SGCD: variants seen among roughly 807,000 people sequenced by gnomAD.
The protein encoded by SGCD is delta-sarcoglycan.
SGCD carries 18 observed loss-of-function variants against 36.6 expected under a neutral mutation model. The ratio of observed to expected loss-of-function variants is 0.49; its 90% CI spans 0.34 to 0.73. The LOEUF is 0.73. Among genes scored for constraint, SGCD ranks in the 30% least tolerant of loss-of-function variants. The probability of loss-of-function intolerance (pLI) is 0.01; values close to 1 mark genes in which losing one functional copy is unlikely to be tolerated. For synonymous variants in SGCD, 133 were observed against 130.6 expected, an observed-to-expected ratio of 1.02 and a Z score of -0.12; for missense variants, 387 against 346.7, an observed-to-expected ratio of 1.12 and a Z score of -0.92.
chr5:156,580,664 A>T (rs1225708341), intron 4 of SGCD, among the ~76,000 whole-genome samples: 3 of 152,118 alleles, frequency 2.0e-5, no homozygotes, highest in Non-Finnish European at 4.4e-5. Flanking sequence ...TCAATCACTG[A>T]TAACCTTTTC....
intron 3 of SGCD, among the ~76,000 whole-genome samples, chr5:156,495,447 T>G (rs553276093): frequency 3.8e-4 from 58 of 152,296 alleles, no homozygotes; most frequent in African/African-American, 1.3e-3. Flanking sequence ...CCTTTGAAGC[T>G]GTAACTTGAA....
chr5:155,825,258 T>TA, the SGCD span, among the ~76,000 whole-genome samples: 2 of 152,158 alleles, frequency 1.3e-5, no homozygotes, highest in Non-Finnish European at 2.9e-5. Flanking sequence ...CCTCTAGACT[T>TA]AGAGAACATA....
At chr5:156,614,845 TC>T (rs1441708182) in intron 6 of SGCD, among the ~76,000 whole-genome samples, 9 of 152,224 alleles carry the variant, frequency 5.9e-5, no homozygotes, top group Non-Finnish European at 1.3e-4. Context: ...CCATCAAACT[TC>T]CAGAGATTTC....
chr5:155,949,723 T>C (rs1357886636), intron 1 of SGCD, among the ~76,000 whole-genome samples: 1 of 152,204 alleles, frequency 6.6e-6, no homozygotes. Flanking sequence ...TGTTTTCGTA[T>C]TGTCTATGGC....
At chr5:156,037,284 A>G (rs1759522919) in intron 1 of SGCD, among the ~76,000 whole-genome samples, 1 of 152,180 alleles carries the variant, frequency 6.6e-6, no homozygotes, top group African/African-American at 2.4e-5. Flanking sequence ...GAGCAGCAGG[A>G]GTGGCATGTG....
intron 3 of SGCD, among the ~76,000 whole-genome samples, chr5:156,438,396 C>A (rs1367562904): frequency 6.6e-6 from 1 of 152,048 alleles, no homozygotes; most frequent in Non-Finnish European, 1.5e-5. Flanking sequence ...GGGCAATTTG[C>A]AGCAAGGGAG....
At chr5:156,241,287 T>TGTGTGTGTGTGTGTGC (rs1023757470) in intron 3 of SGCD, among the ~76,000 whole-genome samples, 1 of 148,480 alleles carries the variant, frequency 6.7e-6, no homozygotes, top group African/African-American at 2.5e-5. Flanking sequence ...TGTGTGTGTG[T>TGTGTGTGTGTGTGTGC]GCATGTATGT....
the SGCD span, among the ~76,000 whole-genome samples, chr5:155,812,073 C>G: frequency 6.6e-6 from 1 of 152,150 alleles, no homozygotes; most frequent in Non-Finnish European, 1.5e-5. Flanking sequence ...AAGCTGGTTA[C>G]AAACAATCCA....
chr5:155,908,808 C>A (rs1470393670), intron 1 of SGCD, among the ~76,000 whole-genome samples: 2 of 152,024 alleles, frequency 1.3e-5, no homozygotes, highest in African/African-American at 4.8e-5. Flanking sequence ...CTAAATTGAC[C>A]CACTTGAGCA....
chr5:156,478,373 G>A (rs900524364), intron 3 of SGCD, among the ~76,000 whole-genome samples: 12 of 152,106 alleles, frequency 7.9e-5, no homozygotes, highest in African/African-American at 2.9e-4. Context: ...CACCTGTGCA[G>A]GTGGCTCTGC....
In SGCD at chr5:156,081,129, T is replaced by A. The variant is rs531957002; in HGVS notation, c.-281-36749T>A. Reference sequence around the variant, plus strand: ...GGCCTCAGGAAGCATACAATTATGGTGGAAGGTAAAGAGGGAGAAGGCATC... The same window carrying A: ...GGCCTCAGGAAGCATACAATTATGGAGGAAGGTAAAGAGGGAGAAGGCATC... On this transcript the variant is annotated intron_variant, in intron 1 of 9. Transcript: ENST00000517913. Among the ~76,000 whole-genome samples the A allele has an allele frequency of 2.6e-4, 39 of 152,158 alleles. 1 individual carries two copies. The highest frequency in any genetic ancestry group is 2.2e-4 in the Non-Finnish European group (15 of 67,996).
intron 3 of SGCD, among the ~76,000 whole-genome samples, chr5:156,215,731 G>C (rs888200233): frequency 1.1e-4 from 16 of 152,234 alleles, no homozygotes; most frequent in Non-Finnish European, 2.2e-4. Context: ...CACATGGTGG[G>C]AATAAAATAG....
the SGCD span, among the ~76,000 whole-genome samples, chr5:155,786,405 C>T: frequency 0.019 from 2,909 of 152,268 alleles, 64 homozygotes; most frequent in East Asian, 0.13. Flanking sequence ...TCTGCAGAAA[C>T]ATCCTGGGCA....
intron 1 of SGCD, among the ~76,000 whole-genome samples, chr5:155,963,788 T>A (rs1022193353): frequency 4.6e-5 from 7 of 152,094 alleles, no homozygotes; most frequent in Non-Finnish European, 1.0e-4. Context: ...ATTTTAAAAA[T>A]AAAAGTTTAG....
chr5:155,912,913 T>A (rs544252773), intron 1 of SGCD, among the ~76,000 whole-genome samples: 16 of 152,270 alleles, frequency 1.1e-4, no homozygotes, highest in African/African-American at 3.6e-4. Flanking sequence ...CTCCTTTCAT[T>A]CTTGGCATTT....
At chr5:156,583,402 C>A (rs1409808011) in intron 4 of SGCD, among the ~76,000 whole-genome samples, 2 of 152,186 alleles carry the variant, frequency 1.3e-5, no homozygotes, top group African/African-American at 4.8e-5. Flanking sequence ...CATTCCCAAG[C>A]CCCATCAGTT....
chr5:156,005,813 C>CA (rs1184905287), intron 1 of SGCD, among the ~76,000 whole-genome samples: 3 of 152,154 alleles, frequency 2.0e-5, no homozygotes, highest in Admixed American at 2.0e-4. Context: ...CATGCTCACT[C>CA]AGTCTCTTGC....
intron 6 of SGCD, among the ~76,000 whole-genome samples, chr5:156,604,149 CTTCTCCT>C (rs1761319771): frequency 6.6e-6 from 1 of 151,576 alleles, no homozygotes. Context: ...ATACAATGAC[CTTCTCCT>C]TTCTTTTTAC....
chr5:156,403,487 C>G (rs868542332), intron 3 of SGCD, among the ~76,000 whole-genome samples: 1 of 152,118 alleles, frequency 6.6e-6, no homozygotes, highest in Non-Finnish European at 1.5e-5. Context: ...TCTGACTCGC[C>G]GAGATGATTG....
Sources: allele counts gnomAD v4.1 joint callset (sites outside exome capture counted in the v4.1 genomes callset), GRCh38; gene constraint gnomAD v4.1.1; transcripts MANE v1.5; gene names NCBI Gene and HGNC (gene_info 2026-07-23, HGNC 2026-07-21).